Variants in ATP6V0D1 observed in about 807,000 individuals in gnomAD.
ATP6V0D1 encodes V-type proton ATPase subunit d 1.
A neutral mutation model predicts 39.0 loss-of-function variants in ATP6V0D1; 13 were observed. The observed-to-expected ratio is 0.33, with a 90% CI of 0.22 to 0.53. The LOEUF is 0.53. Ranked by LOEUF, ATP6V0D1 falls within the 20% of genes least tolerant of loss-of-function variation. ATP6V0D1 has a pLI of 0.94. For missense variants in ATP6V0D1, 272 were observed against 470.9 expected (o/e 0.58, Z 3.91); for synonymous variants, 191 against 191.2 (o/e 1.00, Z 0.01).
chr16:67,439,030 C>T lies in ATP6V0D1; in HGVS notation c.757G>A (p.Ala253Thr), dbSNP rs200097996. Reference protein sequence around the residue: ...HCGRLYPEGLAQLARADDYEQ... With the variant: ...HCGRLYPEGLTQLARADDYEQ... ...TAGTCGTCAGCCCGAGCCAGCTGCG[C>T]CAGGCCCTCAGGGTAGAGCCGCCCA... Residue 253 changes from alanine (A) to threonine (T), a missense_variant, in exon 6 of 8, where the codon GCG (alanine) becomes ACG (threonine). Ala to Thr is a moderately conservative substitution (Grantham distance 58). Around this residue, in one of 4 missense-constraint regions of ATP6V0D1, gnomAD observed 135 missense variants for 273.8 expected, o/e 0.49. Coordinates refer to ENST00000290949, the MANE Select transcript of ATP6V0D1 (RefSeq NM_004691.5). 23 of 1,614,214 alleles carry T rather than the reference C, an allele frequency of 1.4e-5. No individual in the cohort carries two copies. The highest frequency in any genetic ancestry group is 1.9e-5 in the Non-Finnish European group (22 of 1,180,036).
chr16:67,472,963 T>C (rs2041386005), intron 1 of ATP6V0D1, among the ~76,000 whole-genome samples: 1 of 148,886 alleles, frequency 6.7e-6, no homozygotes, highest in African/African-American at 2.4e-5. Flanking sequence ...AATCTCTCTC[T>C]TTTTAAAACA....
chr16:67,459,945 C>A (rs1177007491), intron 1 of ATP6V0D1, among the ~76,000 whole-genome samples: 2 of 152,242 alleles, frequency 1.3e-5, no homozygotes, highest in African/African-American at 4.8e-5. Flanking sequence ...AGGGGTCTTG[C>A]TGGCCAGCTG....
chr16:67,442,451 CTT>C (rs11320628), intron 4 of ATP6V0D1, among the ~76,000 whole-genome samples: 139 of 143,194 alleles, frequency 9.7e-4, no homozygotes, highest in African/African-American at 2.9e-3. Context: ...TGGTCTCGGG[CTT>C]TTTTTTTTTT....
intron 1 of ATP6V0D1, chr16:67,457,466 A>T: frequency 1.3e-6 from 1 of 770,080 alleles, no homozygotes. Flanking sequence ...GACAGATTTC[A>T]GTCCCAGATG....
At chr16:67,475,103 G>C (rs1047049597) in intron 1 of ATP6V0D1, among the ~76,000 whole-genome samples, 1 of 152,196 alleles carries the variant, frequency 6.6e-6, no homozygotes, top group African/African-American at 2.4e-5. Context: ...TCAAATTGCA[G>C]GTATCCTGTT....
At position 67,438,998 on chromosome 16, in the gene ATP6V0D1, C is replaced by G; in HGVS notation, c.789G>C (p.Gln263His). The G allele has an allele frequency of 6.2e-7, 1 of 1,614,134 alleles. No individual in the cohort carries two copies. The highest frequency in any genetic ancestry group is 1.6e-4 in the Middle Eastern group (1 of 6,062). ...AQLARADDYE[Q>H]VKNVADYYPE... Reference sequence around the variant, plus strand: ...GGTAGTAATCGGCCACGTTCTTGACCTGTTCATAGTCGTCAGCCCGAGCCA... The same window carrying G: ...GGTAGTAATCGGCCACGTTCTTGACGTGTTCATAGTCGTCAGCCCGAGCCA... Residue 263 changes from glutamine (Q) to histidine (H), a missense_variant, in exon 6 of 8, where the codon CAG (glutamine) becomes CAC (histidine). Gln to His is a conservative substitution (Grantham distance 24, BLOSUM62 0). Coordinates refer to ENST00000290949, the MANE Select transcript of ATP6V0D1 (RefSeq NM_004691.5).
intron 1 of ATP6V0D1, among the ~76,000 whole-genome samples, chr16:67,477,524 G>T (rs181164011): frequency 6.6e-6 from 1 of 152,176 alleles, no homozygotes; most frequent in East Asian, 1.9e-4. Flanking sequence ...ATTTGGGAGT[G>T]GGGGTATAAA....
At chr16:67,475,787 C>A (rs1313250003) in intron 1 of ATP6V0D1, among the ~76,000 whole-genome samples, 1 of 152,218 alleles carries the variant, frequency 6.6e-6, no homozygotes, top group Admixed American at 6.5e-5. Flanking sequence ...AAAACCAAGA[C>A]TGATGTCCAA....
At chr16:67,473,945 G>A (rs879307224) in intron 1 of ATP6V0D1, among the ~76,000 whole-genome samples, 9 of 152,066 alleles carry the variant, frequency 5.9e-5, no homozygotes, top group South Asian at 2.1e-4. Context: ...ATGAGCCACC[G>A]TTTCTGGCCA....
chr16:67,449,847 G>A (rs190196280), intron 2 of ATP6V0D1, among the ~76,000 whole-genome samples: 3 of 152,346 alleles, frequency 2.0e-5, no homozygotes, highest in Non-Finnish European at 4.4e-5. Context: ...TGCGGCTGAA[G>A]GCTGGCCAGG....
intron 2 of ATP6V0D1, among the ~76,000 whole-genome samples, chr16:67,450,587 C>T (rs1370237824): frequency 1.3e-5 from 2 of 152,062 alleles, no homozygotes; most frequent in Non-Finnish European, 2.9e-5. Flanking sequence ...GAGACCTTGG[C>T]TACGTGAAGG....
At chr16:67,449,714 T>C (rs2041156562) in intron 2 of ATP6V0D1, among the ~76,000 whole-genome samples, 1 of 152,220 alleles carries the variant, frequency 6.6e-6, no homozygotes, top group East Asian at 1.9e-4. Context: ...CCCAGTTCCA[T>C]TTGCTAAAGC....
intron 1 of ATP6V0D1, among the ~76,000 whole-genome samples, chr16:67,477,671 AAC>A (rs1389227012): frequency 3.3e-5 from 5 of 149,462 alleles, no homozygotes; most frequent in Admixed American, 1.3e-4. Flanking sequence ...ATCCATAATA[AAC>A]AGTTTTTTTT....
chr16:67,453,076 C>G lies in ATP6V0D1; in HGVS notation c.302+468G>C, dbSNP rs1299625129. 6.6e-6 allele frequency among the ~76,000 whole-genome samples: 1 copy of G among 152,230 alleles called. No homozygotes were observed. Among genetic ancestry groups the G allele is most frequent in the East Asian group, 1.9e-4 (1 of 5,200 alleles). ...AGAGCAGATAGAGAATGGGCCTATC[C>G]TAAGACCTTGGCCTTTCAGAGCTCT... is the stretch of plus-strand genomic sequence containing the variant. On this transcript the variant is annotated intron_variant, in intron 2 of 7. Transcript: ENST00000290949. This position sits in a 1 kb window ranked among gnomAD's most constrained non-coding sequence, Gnocchi z 4.1.
chr16:67,451,773 G>C (rs1261267440), intron 2 of ATP6V0D1, among the ~76,000 whole-genome samples: 1 of 152,232 alleles, frequency 6.6e-6, no homozygotes, highest in African/African-American at 2.4e-5. Context: ...GACAGCACTT[G>C]GCTGCTTTAA....
intron 1 of ATP6V0D1, among the ~76,000 whole-genome samples, chr16:67,474,186 A>G (rs2041397176): frequency 6.6e-6 from 1 of 152,242 alleles, no homozygotes. Flanking sequence ...TAGGAGTGAC[A>G]GCAGGGAATG....
In ATP6V0D1 at chr16:67,453,676, A is replaced by C; in HGVS notation, c.170T>G (p.Phe57Cys). 6.2e-7 allele frequency: 1 copy of C among 1,614,072 alleles called. No individual in the cohort carries two copies. The highest frequency in any genetic ancestry group is 1.1e-5 in the South Asian group (1 of 91,068). Residue 57 changes from phenylalanine (F) to cysteine (C), a missense_variant, in exon 2 of 8, where the codon TTC becomes TGC. By Grantham distance (205) the Phe-to-Cys change is radical. This residue lies in a region of ATP6V0D1 where 81 missense variants were observed against 96.0 expected (regional missense o/e 0.84). Transcript: ENST00000290949. The surrounding 1 kb of genome is among the most constrained non-coding windows in gnomAD (Gnocchi z 4.1). Reference sequence around the variant, plus strand: ...CAGAGGTGATGCCTCGTTGGCCAGGAAGTTACCATAATCAGTGCTCTGCAG... The same window carrying C: ...CAGAGGTGATGCCTCGTTGGCCAGGCAGTTACCATAATCAGTGCTCTGCAG... The part of the protein sequence containing the change: ...LHLQSTDYGN[F>C]LANEASPLTV...
rs912263309 is a variant in ATP6V0D1 at position 67,453,506 on chromosome 16, C to A, written c.302+38G>T. Reference sequence around the variant, plus strand: ...AGCTCCTGCAGGTGTAGCTATCCTGCCCAGGTAAGAGAAGAAGGCGCTACA... The same window carrying A: ...AGCTCCTGCAGGTGTAGCTATCCTGACCAGGTAAGAGAAGAAGGCGCTACA... On this transcript the variant is annotated intron_variant, in intron 2 of 7. Transcript: ENST00000290949. The surrounding 1 kb of genome is among the most constrained non-coding windows in gnomAD (Gnocchi z 4.1). 5.0e-6 allele frequency: 8 copies of A among 1,608,334 alleles called. No individual in the cohort carries two copies. The highest frequency in any genetic ancestry group is 6.8e-6 in the Non-Finnish European group (8 of 1,176,206).
rs1397709675 is a variant in ATP6V0D1 at position 67,444,238 on chromosome 16, C to G, written c.481+290G>C. Among the ~76,000 whole-genome samples the G allele has an allele frequency of 3.3e-5, 5 of 152,212 alleles. No individual in the cohort carries two copies. The highest frequency in any genetic ancestry group is 1.2e-4 in the African/African-American group (5 of 41,458). On this transcript the variant is annotated intron_variant, in intron 3 of 7. Transcript: ENST00000290949. The surrounding 1 kb of genome is among the most constrained non-coding windows in gnomAD (Gnocchi z 4.8). ...GGCCTCTCTCACTCTTCTCCATGAG[C>G]TCAGCCCTCCTCTGCACTCTGGGAG... is the stretch of plus-strand genomic sequence containing the variant.
Sources: gnomAD v4.1 joint callset for allele counts (sites outside exome capture counted in the v4.1 genomes callset) on GRCh38, gnomAD v4.1.1 for gene constraint, gnomAD v4.1.1 regional missense constraint, Gnocchi (gnomAD v3.1) non-coding constraint, MANE v1.5 for transcripts, NCBI Gene and HGNC (gene_info 2026-07-23, HGNC 2026-07-21) for gene names.